The following DRC9 variants were observed in gnomAD, a reference collection of about 807,000 sequenced individuals.
DRC9 encodes dynein regulatory complex protein 9.
At chr3:197,935,412 A>T in the DRC9 span, among the ~76,000 whole-genome samples, 2 of 150,778 alleles carry the variant, frequency 1.3e-5, no homozygotes, top group East Asian at 3.9e-4. Context: ...GCACTCCAGT[A>T]TGGGCGACAG....
the DRC9 span, among the ~76,000 whole-genome samples, chr3:197,896,008 C>A: frequency 7.6e-6 from 1 of 131,570 alleles, no homozygotes. Flanking sequence ...GTAATTACTG[C>A]AACTGGGATG....
At chr3:197,913,357 C>CGTGT in the DRC9 span, 69 of 224,170 alleles carry the variant, frequency 3.1e-4, no homozygotes, top group African/African-American at 1.5e-3. Flanking sequence ...TGTGTGCGTG[C>CGTGT]GTGCGTGTGT....
At chr3:197,900,966 G>GGTGA in the DRC9 span, among the ~76,000 whole-genome samples, 10 of 152,172 alleles carry the variant, frequency 6.6e-5, no homozygotes, top group African/African-American at 2.2e-4. This position sits in a 1 kb window ranked among gnomAD's most constrained non-coding sequence, Gnocchi z 4.7. Flanking sequence ...ATGGGCCTTG[G>GGTGA]GTGAGACTCT....
the DRC9 span, among the ~76,000 whole-genome samples, chr3:197,915,128 C>T: frequency 1.2e-4 from 15 of 122,782 alleles, no homozygotes; most frequent in Non-Finnish European, 2.2e-4. Flanking sequence ...CATGCCACTG[C>T]AGTCCAGCCT....
chr3:197,925,091 T>C, the DRC9 span, among the ~76,000 whole-genome samples: 1 of 152,128 alleles, frequency 6.6e-6, no homozygotes, highest in East Asian at 1.9e-4. Context: ...GCTGAATGTC[T>C]TCTTTAGGAA....
chr3:197,953,398 C>T, the DRC9 span: 4 of 456,558 alleles, frequency 8.8e-6, no homozygotes, highest in East Asian at 2.1e-4. Flanking sequence ...TATATAAAGT[C>T]ATATCCTTTG....
the DRC9 span, chr3:197,926,152 A>G: frequency 9.6e-7 from 1 of 1,043,476 alleles, no homozygotes; most frequent in Non-Finnish European, 1.5e-6. Context: ...GCTTCTCAAA[A>G]CTTACGTGCA....
At chr3:197,932,354 GC>G in the DRC9 span, 115 of 1,520,882 alleles carry the variant, frequency 7.6e-5, no homozygotes, top group African/African-American at 1.4e-3. Flanking sequence ...TCTATTTTCA[GC>G]CGGGCATGGT....
chr3:197,943,836 A>T, the DRC9 span: 5 of 1,614,036 alleles, frequency 3.1e-6, no homozygotes, highest in Non-Finnish European at 4.2e-6. Flanking sequence ...CAGAATAGAG[A>T]GCTGGTCTGT....
the DRC9 span, among the ~76,000 whole-genome samples, chr3:197,942,386 A>C: frequency 3.4e-5 from 3 of 88,894 alleles, no homozygotes; most frequent in South Asian, 6.6e-4. Context: ...TCCGTCTCAC[A>C]AAAAAAAAAA....
the DRC9 span, chr3:197,912,987 C>A: frequency 2.1e-6 from 1 of 478,782 alleles, no homozygotes; most frequent in Non-Finnish European, 3.8e-6. Flanking sequence ...AACAGAGGTG[C>A]CCACTGAAGG....
the DRC9 span, among the ~76,000 whole-genome samples, chr3:197,945,919 C>T: frequency 6.6e-6 from 1 of 152,220 alleles, no homozygotes; most frequent in African/African-American, 2.4e-5. Context: ...AAGACACATG[C>T]ACTCTGTGAG....
chr3:197,926,167 G>A, the DRC9 span: 2 of 892,470 alleles, frequency 2.2e-6, no homozygotes, highest in Non-Finnish European at 3.8e-6. Flanking sequence ...CGTGCACAAG[G>A]ACCACCCCGC....
chr3:197,941,234 C>T, the DRC9 span, among the ~76,000 whole-genome samples: 1 of 133,178 alleles, frequency 7.5e-6, no homozygotes, highest in South Asian at 2.9e-4. Context: ...CCCTTCCCTT[C>T]CCTCTCCCTG....
chr3:197,932,662 TA>T, the DRC9 span, among the ~76,000 whole-genome samples: 1 of 143,418 alleles, frequency 7.0e-6, no homozygotes, highest in African/African-American at 2.7e-5. Context: ...AATAAATAAA[TA>T]AATAAATAAT....
the DRC9 span, among the ~76,000 whole-genome samples, chr3:197,945,035 C>T: frequency 6.6e-6 from 1 of 152,160 alleles, no homozygotes; most frequent in Non-Finnish European, 1.5e-5. Context: ...TATCCAGCCT[C>T]CAAGGTGGCC....
At chr3:197,894,339 T>C in the DRC9 span, among the ~76,000 whole-genome samples, 3 of 152,198 alleles carry the variant, frequency 2.0e-5, no homozygotes, top group Admixed American at 1.3e-4. Context: ...ATTATCACTA[T>C]ATATATTTAC....
chr3:197,919,983 T>A, the DRC9 span, among the ~76,000 whole-genome samples: 1 of 151,530 alleles, frequency 6.6e-6, no homozygotes, highest in Non-Finnish European at 1.5e-5. Flanking sequence ...GTGGATCACT[T>A]GAGGTCAAGA....
the DRC9 span, among the ~76,000 whole-genome samples, chr3:197,937,867 C>T: frequency 1.3e-5 from 2 of 152,090 alleles, no homozygotes; most frequent in Non-Finnish European, 1.5e-5. Flanking sequence ...TTGAGGGCGG[C>T]AGTGCTCTAT....
Sources: allele counts gnomAD v4.1 joint callset (sites outside exome capture counted in the v4.1 genomes callset), GRCh38; gene constraint gnomAD v4.1.1; non-coding constraint Gnocchi (gnomAD v3.1); transcripts MANE v1.5; gene names NCBI Gene and HGNC (gene_info 2026-07-23, HGNC 2026-07-21).